Variants in CDH7 observed in about 807,000 individuals in gnomAD.
The protein encoded by CDH7 is cadherin-7.
A neutral mutation model predicts 71.8 loss-of-function variants in CDH7; 25 were observed. The ratio of observed to expected loss-of-function variants is 0.35; its 90% CI spans 0.25 to 0.49. The LOEUF is 0.49. CDH7 is among the 20% of genes least tolerant of loss of function. The pLI is 0.99. For synonymous variants in CDH7, 381 were observed against 363.8 expected (o/e 1.05, Z -0.54); for missense variants, 862 against 974.6 (o/e 0.88, Z 1.54).
chr18:65,768,598 A>G (rs1916450256), intron 2 of CDH7, among the ~76,000 whole-genome samples: 1 of 152,200 alleles, frequency 6.6e-6, no homozygotes, highest in African/African-American at 2.4e-5. Flanking sequence ...TTTCTCTACA[A>G]AGTGCGCTGT....
chr18:65,860,790 C>T (rs1768659609), intron 10 of CDH7, among the ~76,000 whole-genome samples: 1 of 152,140 alleles, frequency 6.6e-6, no homozygotes, highest in African/African-American at 2.4e-5. Flanking sequence ...ATGAAGCCAT[C>T]ACCTTATTTA....
intron 2 of CDH7, among the ~76,000 whole-genome samples, chr18:65,801,302 G>C (rs866280130): frequency 6.6e-6 from 1 of 152,198 alleles, no homozygotes; most frequent in Non-Finnish European, 1.5e-5. Flanking sequence ...TTTAGGCATC[G>C]GGATATGCAA....
At chr18:65,880,347 G>A (rs542254517) in intron 11 of CDH7, 54 bp from the exon 12 acceptor site, 138 of 1,500,754 alleles carry the variant, frequency 9.2e-5, no homozygotes, top group African/African-American at 2.0e-4. Context: ...TTACCATGAC[G>A]TGGGGCAATG....
intron 1 of CDH7, among the ~76,000 whole-genome samples, chr18:65,762,230 T>A (rs1323073523): frequency 2.0e-5 from 3 of 152,204 alleles, no homozygotes; most frequent in East Asian, 3.9e-4. Context: ...GTTAAATTTC[T>A]GCTTTGAGTT....
chr18:65,863,022 A>T, intron 11 of CDH7, 105 bp downstream of exon 11: 2 of 1,248,108 alleles, frequency 1.6e-6, no homozygotes, highest in Non-Finnish European at 2.3e-6. Context: ...CAGATATTCT[A>T]CTGGATGGTG....
chr18:65,781,296 T>C (rs1455394356), intron 2 of CDH7, among the ~76,000 whole-genome samples: 4 of 152,198 alleles, frequency 2.6e-5, no homozygotes, highest in South Asian at 2.1e-4. Context: ...ATTTCAAATA[T>C]ATTTAATTTT....
At chr18:65,879,498 T>A (rs887062755) in intron 11 of CDH7, among the ~76,000 whole-genome samples, 1 of 152,208 alleles carries the variant, frequency 6.6e-6, no homozygotes, top group Non-Finnish European at 1.5e-5. Context: ...TGTAGTTTAG[T>A]TGAAGTTGCA....
intron 7 of CDH7, among the ~76,000 whole-genome samples, chr18:65,854,948 T>TACAC (rs1234726005): frequency 1.3e-5 from 2 of 150,284 alleles, no homozygotes; most frequent in African/African-American, 4.9e-5. Context: ...CACATATATA[T>TACAC]ACACACACAC....
chr18:65,841,421 G>A (rs1184788026), intron 6 of CDH7, among the ~76,000 whole-genome samples: 5 of 152,074 alleles, frequency 3.3e-5, no homozygotes, highest in Admixed American at 6.6e-5. Context: ...ATAACTTAAA[G>A]GTTGTGGTTT....
In CDH7 at chr18:65,824,665, C is replaced by T; in HGVS notation, c.815C>T (p.Pro272Leu). 6.2e-7 allele frequency: 1 copy of T among 1,601,314 alleles called. No homozygotes were observed. The highest frequency in any genetic ancestry group is 8.5e-7 in the Non-Finnish European group (1 of 1,172,402). The stretch of plus-strand genomic sequence containing the variant: ...ACAGGGTCTTATCAATATAACGTCC[C>T]AGAGTCATTACCTGTAGCCTCAGTT... ...FPRRSYQYNV[P>L]ESLPVASVVA... is the part of the protein sequence containing the mutation. The change falls in exon 6 of 12, where the codon CCA becomes CTA. Residue 272 changes from proline to leucine, a missense_variant. Transcript: ENST00000397968.
chr18:65,806,398 A>T (rs1033732617), intron 2 of CDH7, among the ~76,000 whole-genome samples: 1 of 149,580 alleles, frequency 6.7e-6, no homozygotes, highest in African/African-American at 2.5e-5. Flanking sequence ...ATTAATAGAG[A>T]TTTTTTTTTT....
intron 6 of CDH7, among the ~76,000 whole-genome samples, chr18:65,836,519 A>G (rs1278689347): frequency 1.3e-5 from 2 of 152,160 alleles, no homozygotes; most frequent in East Asian, 1.9e-4. Flanking sequence ...ATATCTTTGT[A>G]TAATTTATGG....
intron 2 of CDH7, among the ~76,000 whole-genome samples, chr18:65,797,199 G>A (rs1190012182): frequency 6.6e-6 from 1 of 152,102 alleles, no homozygotes; most frequent in Non-Finnish European, 1.5e-5. Flanking sequence ...AAACCAATAT[G>A]CCTTTCCAGA....
At chr18:65,838,277 T>C (rs759042756) in intron 6 of CDH7, among the ~76,000 whole-genome samples, 2 of 152,212 alleles carry the variant, frequency 1.3e-5, no homozygotes, top group Non-Finnish European at 2.9e-5. Flanking sequence ...CCCATAGGTA[T>C]GGTCTCACTC....
chr18:65,810,950 G>A (rs967287280), intron 3 of CDH7, among the ~76,000 whole-genome samples: 4 of 151,836 alleles, frequency 2.6e-5, no homozygotes, highest in African/African-American at 7.3e-5. Context: ...TGTTTATATC[G>A]AATAATCAAA....
chr18:65,846,327 C>G (rs1912933886), intron 7 of CDH7, among the ~76,000 whole-genome samples: 1 of 151,940 alleles, frequency 6.6e-6, no homozygotes, highest in African/African-American at 2.4e-5. Flanking sequence ...TATTTTTTAC[C>G]CCACTTTCAT....
chr18:65,793,984 A>G (rs917898867), intron 2 of CDH7, among the ~76,000 whole-genome samples: 2 of 152,150 alleles, frequency 1.3e-5, no homozygotes, highest in Non-Finnish European at 2.9e-5. Context: ...GTTGCTTTGC[A>G]AAGCCTGGTG....
chr18:65,790,160 G>T (rs1291670483), intron 2 of CDH7, among the ~76,000 whole-genome samples: 1 of 142,846 alleles, frequency 7.0e-6, no homozygotes, highest in Non-Finnish European at 1.5e-5. Flanking sequence ...GGCAGAGTTT[G>T]CAGTGAGCCA....
chr18:65,834,303 T>C (rs528231227), intron 6 of CDH7, among the ~76,000 whole-genome samples: 15 of 152,286 alleles, frequency 9.8e-5, no homozygotes, highest in Middle Eastern at 6.8e-3. Flanking sequence ...TAAATATGTC[T>C]AAGAAGTCAT....
Sources: gnomAD v4.1 joint callset for allele counts (sites outside exome capture counted in the v4.1 genomes callset) on GRCh38, gnomAD v4.1.1 for gene constraint, MANE v1.5 for transcripts, NCBI Gene and HGNC (gene_info 2026-07-23, HGNC 2026-07-21) for gene names.